BABAM2: variants seen among roughly 807,000 people sequenced by gnomAD.
The protein encoded by BABAM2 is BRISC and BRCA1 A complex member 2.
Under a neutral mutation model 54.7 loss-of-function variants are expected in BABAM2, and 31 were observed. The ratio of observed to expected loss-of-function variants is 0.57; its 90% CI spans 0.43 to 0.77. BABAM2 has a LOEUF of 0.77. Among genes scored for constraint, BABAM2 ranks in the 30% least tolerant of loss-of-function variants. The probability of loss-of-function intolerance (pLI) is 0.00; values close to 1 mark genes in which losing one functional copy is unlikely to be tolerated. For missense variants in BABAM2, 364 were observed against 455.8 expected, an observed-to-expected ratio of 0.80 and a Z score of 1.83; for synonymous variants, 167 against 162.9, an observed-to-expected ratio of 1.03 and a Z score of -0.19.
intron 5 of BABAM2, among the ~76,000 whole-genome samples, chr2:28,040,511 G>T (rs531648423): frequency 6.6e-6 from 1 of 151,252 alleles, no homozygotes; most frequent in African/African-American, 2.4e-5. Flanking sequence ...CGTTTTAGCC[G>T]GGATGGTCTC....
intron 6 of BABAM2, among the ~76,000 whole-genome samples, chr2:28,086,363 A>G (rs1342445387): frequency 6.6e-6 from 1 of 152,050 alleles, no homozygotes; most frequent in Non-Finnish European, 1.5e-5. Context: ...AATTAATTTT[A>G]TTTTATTACT....
intron 5 of BABAM2, among the ~76,000 whole-genome samples, chr2:28,039,183 A>G (rs993300595): frequency 6.6e-6 from 1 of 152,152 alleles, no homozygotes; most frequent in African/African-American, 2.4e-5. Context: ...ATACTCGTGA[A>G]TGGATGAATA....
chr2:28,253,422 G>T (rs1478452697), intron 10 of BABAM2, among the ~76,000 whole-genome samples: 1 of 151,718 alleles, frequency 6.6e-6, no homozygotes, highest in Non-Finnish European at 1.5e-5. Context: ...AAAAAGTATG[G>T]AGTGTATACC....
intron 10 of BABAM2, among the ~76,000 whole-genome samples, chr2:28,255,203 G>A (rs563847064): frequency 2.2e-4 from 34 of 152,194 alleles, no homozygotes; most frequent in Admixed American, 1.2e-3. Flanking sequence ...GTAAGAATCC[G>A]TGAATCTTGA....
At chr2:27,977,169 A>C (rs771619039) in intron 3 of BABAM2, among the ~76,000 whole-genome samples, 15 of 152,212 alleles carry the variant, frequency 9.9e-5, no homozygotes, top group Non-Finnish European at 1.6e-4. Flanking sequence ...GGCAGTTGAC[A>C]AGTTCCTTGA....
At chr2:27,987,935 C>A in intron 3 of BABAM2, 58 bp from the exon 4 acceptor site, 1 of 1,453,676 alleles carries the variant, frequency 6.9e-7, no homozygotes, top group Non-Finnish European at 9.6e-7. Flanking sequence ...ATACAGTCTT[C>A]AGAATATTCA....
intron 11 of BABAM2, 30 bp downstream of exon 11, chr2:28,298,521 G>A: frequency 6.2e-7 from 1 of 1,613,512 alleles, no homozygotes; most frequent in Non-Finnish European, 8.5e-7. Flanking sequence ...TTTCCAACAG[G>A]TAAGAGCATT....
intron 2 of BABAM2, among the ~76,000 whole-genome samples, chr2:27,898,249 C>T (rs72854420): frequency 0.01 from 1,568 of 152,254 alleles, 29 homozygotes; most frequent in African/African-American, 0.036. Context: ...TTTGGTTCAT[C>T]AAGATTGTGC....
chr2:28,077,062 C>G (rs1664754889), intron 6 of BABAM2, among the ~76,000 whole-genome samples: 1 of 152,242 alleles, frequency 6.6e-6, no homozygotes, highest in Middle Eastern at 3.4e-3. Context: ...TTTTTAGAGG[C>G]TGACAGGCCT....
At chr2:28,017,030 T>C (rs1674878241) in intron 4 of BABAM2, among the ~76,000 whole-genome samples, 1 of 152,250 alleles carries the variant, frequency 6.6e-6, no homozygotes, top group Admixed American at 6.5e-5. Flanking sequence ...TTAGTTTTTC[T>C]TAATCCAGCT....
chr2:28,232,075 G>A (rs1370336882), intron 7 of BABAM2, among the ~76,000 whole-genome samples: 1 of 152,118 alleles, frequency 6.6e-6, no homozygotes, highest in Non-Finnish European at 1.5e-5. Flanking sequence ...CAAAGTGCTA[G>A]GATTACAGGC....
chr2:28,026,971 A>T (rs9678503), intron 5 of BABAM2, among the ~76,000 whole-genome samples: 15,323 of 86,732 alleles, frequency 0.18, 2,586 homozygotes, highest in East Asian at 0.63. Context: ...TATATATATA[A>T]ATATATAAAT....
intron 7 of BABAM2, among the ~76,000 whole-genome samples, chr2:28,201,488 G>T (rs963585216): frequency 1.3e-5 from 2 of 152,046 alleles, no homozygotes; most frequent in African/African-American, 4.8e-5. Context: ...AGTCAAAGAG[G>T]ATATGAACCC....
chr2:27,920,540 CT>C (rs905303614), intron 2 of BABAM2, among the ~76,000 whole-genome samples: 1 of 151,888 alleles, frequency 6.6e-6, no homozygotes, highest in South Asian at 2.1e-4. Flanking sequence ...TAATATGTGA[CT>C]TTTTTTTAAA....
chr2:27,927,424 A>G (rs914662442), intron 2 of BABAM2, among the ~76,000 whole-genome samples: 2 of 152,216 alleles, frequency 1.3e-5, no homozygotes, highest in Admixed American at 6.5e-5. Context: ...AATTTAAAGC[A>G]TTGCAGTTGA....
At chr2:28,130,615 A>G (rs1466557226) in intron 7 of BABAM2, among the ~76,000 whole-genome samples, 1 of 151,530 alleles carries the variant, frequency 6.6e-6, no homozygotes, top group East Asian at 1.9e-4. Flanking sequence ...TGCATGCCTA[A>G]TGTTTTTATT....
At position 28,322,672 on chromosome 2, in the gene BABAM2, G is replaced by A. The variant is rs1289051250; in HGVS notation, c.1089-15778G>A. ...CAGTCATGGGCTGTGGTTGGCGGCC[G>A]CAGGCCCCGATGCTTAGGCCAGGCC... On this transcript the variant is annotated intron_variant, in intron 11 of 11. Coordinates refer to ENST00000379624, the MANE Select transcript of BABAM2 (RefSeq NM_199191.3). The surrounding 1 kb of genome is among the most constrained non-coding windows in gnomAD (Gnocchi z 4.1). Among the ~76,000 whole-genome samples the A allele has an allele frequency of 1.3e-5, 2 of 152,234 alleles. No individual in the cohort carries two copies. The highest frequency in any genetic ancestry group is 2.4e-5 in the African/African-American group (1 of 41,466).
chr2:28,205,575 G>T (rs890914397), intron 7 of BABAM2, among the ~76,000 whole-genome samples: 1 of 152,050 alleles, frequency 6.6e-6, no homozygotes, highest in African/African-American at 2.4e-5. Flanking sequence ...AAAGCACAGG[G>T]AGATTAACTT....
At chr2:27,942,791 A>AAATT (rs1553396791) in intron 3 of BABAM2, among the ~76,000 whole-genome samples, 1 of 141,820 alleles carries the variant, frequency 7.1e-6, no homozygotes, top group Non-Finnish European at 1.5e-5. Context: ...TTTCTTAAAA[A>AAATT]ATTTATTTAT....
Sources: allele counts gnomAD v4.1 joint callset (sites outside exome capture counted in the v4.1 genomes callset), GRCh38; gene constraint gnomAD v4.1.1; non-coding constraint Gnocchi (gnomAD v3.1); transcripts MANE v1.5; gene names NCBI Gene and HGNC (gene_info 2026-07-23, HGNC 2026-07-21).